MYO1D: variants seen among roughly 807,000 people sequenced by gnomAD.
MYO1D encodes myosin ID, also known as unconventional myosin-Id.
A neutral mutation model predicts 122.0 loss-of-function variants in MYO1D; 83 were observed. The observed-to-expected ratio is 0.68, with a 90% CI of 0.57 to 0.82. MYO1D has a LOEUF of 0.82. Ranked by LOEUF, MYO1D falls within the 40% of genes least tolerant of loss-of-function variation. MYO1D has a pLI of 0.00. For missense variants in MYO1D, 1,157 were observed against 1,269.5 expected, an observed-to-expected ratio of 0.91 and a Z score of 1.35; for synonymous variants, 464 against 446.9, an observed-to-expected ratio of 1.04 and a Z score of -0.48.
At chr17:32,858,324 A>G (rs369626146) in intron 1 of MYO1D, among the ~76,000 whole-genome samples, 19 of 152,358 alleles carry the variant, frequency 1.2e-4, no homozygotes, top group African/African-American at 4.3e-4. Flanking sequence ...CTTGAACCCT[A>G]TTCAAATTCT....
chr17:32,697,855 T>C (rs1251705865), intron 16 of MYO1D, among the ~76,000 whole-genome samples: 2 of 152,262 alleles, frequency 1.3e-5, no homozygotes, highest in African/African-American at 2.4e-5. Context: ...GTGAGCATGA[T>C]GCACATCACC....
intron 1 of MYO1D, among the ~76,000 whole-genome samples, chr17:32,865,670 G>C (rs1258566533): frequency 6.6e-6 from 1 of 152,206 alleles, no homozygotes; most frequent in East Asian, 1.9e-4. Context: ...TCTCATTAAA[G>C]TGAAATCCAT....
chr17:32,817,978 T>C (rs920678167), intron 1 of MYO1D, among the ~76,000 whole-genome samples: 1 of 148,664 alleles, frequency 6.7e-6, no homozygotes, highest in Non-Finnish European at 1.5e-5. Context: ...TACAAAAAAT[T>C]AGCCGGGCGT....
intron 21 of MYO1D, among the ~76,000 whole-genome samples, chr17:32,512,448 A>G (rs912304875): frequency 9.2e-5 from 14 of 152,352 alleles, no homozygotes; most frequent in African/African-American, 2.9e-4. Context: ...CAGAGTCAGC[A>G]TCACAGAAGG....
At chr17:32,681,253 C>T (rs2088912775) in intron 16 of MYO1D, among the ~76,000 whole-genome samples, 4 of 151,170 alleles carry the variant, frequency 2.6e-5, no homozygotes, top group Admixed American at 2.6e-4. Context: ...CTATTTCCTT[C>T]AGTTCTGCTC....
chr17:32,505,907 G>T (rs1909486943), intron 21 of MYO1D, among the ~76,000 whole-genome samples: 1 of 152,198 alleles, frequency 6.6e-6, no homozygotes, highest in African/African-American at 2.4e-5. Context: ...TCATCTGAGA[G>T]CAAGGGCAAA....
chr17:32,722,276 T>A (rs2089520949), intron 14 of MYO1D, among the ~76,000 whole-genome samples: 1 of 152,238 alleles, frequency 6.6e-6, no homozygotes, highest in African/African-American at 2.4e-5. Flanking sequence ...TATAGCAGAT[T>A]ATCATAAATC....
At chr17:32,840,226 T>G (rs996119749) in intron 1 of MYO1D, among the ~76,000 whole-genome samples, 1 of 152,140 alleles carries the variant, frequency 6.6e-6, no homozygotes, top group Non-Finnish European at 1.5e-5. Flanking sequence ...CTGGAGAGGA[T>G]CTGGGGAGTT....
intron 21 of MYO1D, among the ~76,000 whole-genome samples, chr17:32,594,942 AGTT>A (rs1205274784): frequency 6.6e-6 from 1 of 152,156 alleles, no homozygotes; most frequent in African/African-American, 2.4e-5. Context: ...CTAGTTCTGT[AGTT>A]GTTAAAGAAA....
Position 32,857,869 on chromosome 17 carries a change from C to T in MYO1D, c.95+18909G>A, listed in dbSNP as rs532591671. 6.0e-4 allele frequency among the ~76,000 whole-genome samples: 92 copies of T among 152,326 alleles called. 1 individual carries two copies. The highest frequency in any genetic ancestry group is 2.1e-3 in the African/African-American group (88 of 41,582). The stretch of plus-strand genomic sequence containing the variant: ...ATCATCAGGCATTTATTATATGCTA[C>T]TTTCGGGGGTTACATATCTTTTCAT... On this transcript the variant is annotated intron_variant, in intron 1 of 21. Transcript: ENST00000318217.
At chr17:32,583,302 T>A (rs2087358361) in intron 21 of MYO1D, among the ~76,000 whole-genome samples, 1 of 152,230 alleles carries the variant, frequency 6.6e-6, no homozygotes, top group African/African-American at 2.4e-5. Flanking sequence ...CTAGCAATGT[T>A]TATCACTGGC....
intron 1 of MYO1D, among the ~76,000 whole-genome samples, chr17:32,832,332 G>A (rs569567707): frequency 6.8e-6 from 1 of 146,742 alleles, no homozygotes; most frequent in East Asian, 2.0e-4. Flanking sequence ...ATGGAGTCAC[G>A]CTCTGTCACC....
At chr17:32,730,082 T>C (rs2089619903) in intron 14 of MYO1D, among the ~76,000 whole-genome samples, 1 of 151,722 alleles carries the variant, frequency 6.6e-6, no homozygotes, top group Non-Finnish European at 1.5e-5. Context: ...CTTTTTTATG[T>C]TTTTGTTTTG....
chr17:32,727,491 T>C (rs1413736750), intron 14 of MYO1D: 1 of 152,178 alleles, frequency 6.6e-6, no homozygotes, highest in Non-Finnish European at 1.5e-5. Flanking sequence ...ATTCTGACCA[T>C]AAGTAATGTT....
At chr17:32,698,269 TCTTC>T (rs1285463163) in intron 16 of MYO1D, among the ~76,000 whole-genome samples, 2 of 148,888 alleles carry the variant, frequency 1.3e-5, no homozygotes, top group African/African-American at 5.0e-5. Context: ...CTTCCTTCCT[TCTTC>T]CTTCCTTCCT....
intron 21 of MYO1D, among the ~76,000 whole-genome samples, chr17:32,548,447 T>C (rs1206132487): frequency 6.7e-6 from 1 of 149,418 alleles, no homozygotes; most frequent in Admixed American, 6.7e-5. Context: ...AAAAAAAGTT[T>C]ATCCTCTAGG....
chr17:32,708,946 A>G (rs2089341404), intron 16 of MYO1D, among the ~76,000 whole-genome samples: 1 of 152,212 alleles, frequency 6.6e-6, no homozygotes, highest in Admixed American at 6.5e-5. Flanking sequence ...CAGTGCTGTC[A>G]GAGAGAACCA....
intron 21 of MYO1D, among the ~76,000 whole-genome samples, chr17:32,553,071 C>G: frequency 9.6e-6 from 1 of 104,444 alleles, no homozygotes; most frequent in Non-Finnish European, 1.9e-5. Flanking sequence ...ATGCCATTCT[C>G]TAAGACAAAA....
intron 21 of MYO1D, among the ~76,000 whole-genome samples, chr17:32,539,190 C>A (rs1194729522): frequency 6.6e-6 from 1 of 151,254 alleles, no homozygotes; most frequent in African/African-American, 2.4e-5. Context: ...GCCTGTAATG[C>A]CAGCACTTTG....
Sources: gnomAD v4.1 joint callset for allele counts (sites outside exome capture counted in the v4.1 genomes callset) on GRCh38, gnomAD v4.1.1 for gene constraint, MANE v1.5 for transcripts, NCBI Gene and HGNC (gene_info 2026-07-23, HGNC 2026-07-21) for gene names.